Variants in CDK12 observed in about 807,000 individuals in gnomAD.
The protein encoded by CDK12 is cyclin-dependent kinase 12.
Under a neutral mutation model 133.8 loss-of-function variants are expected in CDK12, and 17 were observed. The observed-to-expected ratio is 0.13, with a 90% CI of 0.09 to 0.19. CDK12 has a LOEUF of 0.19. Among genes scored for constraint, CDK12 ranks in the 10% least tolerant of loss-of-function variants. The pLI is 1.00. For missense variants in CDK12, 1,508 were observed against 1,818.7 expected, an observed-to-expected ratio of 0.83 and a Z score of 3.11; for synonymous variants, 694 against 683.6, an observed-to-expected ratio of 1.02 and a Z score of -0.24.
intron 1 of CDK12, among the ~76,000 whole-genome samples, chr17:39,464,481 C>T (rs967175353): frequency 1.3e-5 from 2 of 151,238 alleles, no homozygotes; most frequent in Admixed American, 1.3e-4. Context: ...AGCAATCCTC[C>T]TGCCTCCCAA....
At chr17:39,496,729 C>G (rs945466779) in intron 5 of CDK12, among the ~76,000 whole-genome samples, 1 of 151,870 alleles carries the variant, frequency 6.6e-6, no homozygotes, top group Non-Finnish European at 1.5e-5. Context: ...AACATAATAA[C>G]AATGCCTTGA....
chr17:39,485,408 CTTTTTTTTT>C (rs35318849), intron 2 of CDK12, among the ~76,000 whole-genome samples: 2 of 69,836 alleles, frequency 2.9e-5, no homozygotes, highest in Admixed American at 1.8e-4. Context: ...CATCCCCCCC[CTTTTTTTTT>C]TTTTTTTTTT....
chr17:39,501,478 TCTC>T (rs2052713695), intron 6 of CDK12, 39 bp downstream of exon 6: 4 of 1,425,372 alleles, frequency 2.8e-6, no homozygotes, highest in Admixed American at 1.9e-5. Context: ...ACTTTCCTCT[TCTC>T]CTCTGACCTT....
At position 39,532,131 on chromosome 17, in the gene CDK12, TC is replaced by T. The variant is rs2054898820; in HGVS notation, c.*816del. 1.3e-5 allele frequency: 3 copies of T among 232,898 alleles called. No individual in the cohort carries two copies. Among genetic ancestry groups the T allele is most frequent in the Admixed American group, 1.1e-4 (2 of 17,734 alleles). The allele number at this position is 232,898 out of a possible 1,614,324, so 14.4% of individuals were successfully genotyped here. On this transcript the variant is annotated 3_prime_UTR_variant, in exon 14 of 14. Coordinates refer to ENST00000447079, the MANE Select transcript of CDK12 (RefSeq NM_016507.4). Reference sequence around the variant, plus strand: ...CTCTCTCTCTCTCTCTCTCTCTCTCTCTCTCTCTCTCTGTCTCGCTTGCTCG... The same window carrying T: ...CTCTCTCTCTCTCTCTCTCTCTCTCTTCTCTCTCTCTGTCTCGCTTGCTCG...
intron 2 of CDK12, among the ~76,000 whole-genome samples, chr17:39,480,179 C>T (rs369506175): frequency 3.5e-4 from 54 of 152,224 alleles, no homozygotes; most frequent in African/African-American, 1.3e-3. Context: ...TCATCTGGGC[C>T]TCCCAAAGTG....
chr17:39,556,677 T>C (rs1378360720), intron 3 of CDK12, among the ~76,000 whole-genome samples: 1 of 151,256 alleles, frequency 6.6e-6, no homozygotes, highest in African/African-American at 2.4e-5. Context: ...ACAATCCTGC[T>C]CTCTCCACAC....
chr17:39,486,404 C>T (rs768849179), intron 2 of CDK12, among the ~76,000 whole-genome samples: 9 of 151,650 alleles, frequency 5.9e-5, no homozygotes, highest in Non-Finnish European at 1.3e-4. Flanking sequence ...TAGCTGGGAC[C>T]AGAAGTGCAT....
At chr17:39,492,266 T>C (rs558713882) in intron 3 of CDK12, among the ~76,000 whole-genome samples, 1 of 149,828 alleles carries the variant, frequency 6.7e-6, no homozygotes, top group East Asian at 2.0e-4. Flanking sequence ...CCGGCTAATT[T>C]TTTGTATATT....
At chr17:39,486,245 C>G (rs1426094544) in intron 2 of CDK12, among the ~76,000 whole-genome samples, 1 of 143,102 alleles carries the variant, frequency 7.0e-6, no homozygotes, top group African/African-American at 2.6e-5. Context: ...AGCCACTGCA[C>G]CCTGCCTCTT....
intron 1 of CDK12, among the ~76,000 whole-genome samples, chr17:39,539,697 A>G (rs1487219370): frequency 6.6e-6 from 1 of 152,246 alleles, no homozygotes; most frequent in Non-Finnish European, 1.5e-5. Flanking sequence ...CTGTAAGTCA[A>G]CATATCAATG....
rs141321265 is a variant in CDK12 at position 39,462,847 on chromosome 17, A to T, written c.776A>T (p.Tyr259Phe). 3 of 1,614,130 alleles carry T rather than the reference A, an allele frequency of 1.9e-6. No individual in the cohort carries two copies. The highest frequency in any genetic ancestry group is 1.1e-5 in the South Asian group (1 of 91,066). Residue 259 changes from tyrosine to phenylalanine, a missense_variant, in exon 1 of 14, where the codon TAT (tyrosine) becomes TTT (phenylalanine). By Grantham distance (22) the Tyr-to-Phe change is conservative (BLOSUM62 3). This residue lies in a region of CDK12 where 460 missense variants were observed against 490.8 expected (regional missense o/e 0.94). Transcript: ENST00000447079. ...SPSRSHTSSN[Y>F]DSYKKSPGST... ...TCACGATCTCATACCTCGAGCAATT[A>T]TGACTCCTACAAGAAAAGTCCTGGA... is the stretch of plus-strand genomic sequence containing the variant.
At chr17:39,473,071 G>A (rs555252097) in intron 2 of CDK12, among the ~76,000 whole-genome samples, 14 of 149,962 alleles carry the variant, frequency 9.3e-5, no homozygotes, top group African/African-American at 2.9e-4. Context: ...GCGAGACTCC[G>A]TCTTAAAAAA....
intron 1 of CDK12, among the ~76,000 whole-genome samples, chr17:39,467,239 A>G (rs2049407145): frequency 6.6e-6 from 1 of 152,140 alleles, no homozygotes; most frequent in Non-Finnish European, 1.5e-5. Context: ...AGCCTCCCAA[A>G]GCGCTGGGAT....
chr17:39,531,087 T>A lies in CDK12; in HGVS notation c.4244T>A (p.Val1415Glu), dbSNP rs2054813081. The change falls in exon 14 of 14, where the codon GTG becomes GAG. Residue 1415 changes from valine (V) to glutamate (E), a missense_variant. Val to Glu is a moderately radical substitution (Grantham distance 121, BLOSUM62 -2). Around this residue, in one of 9 missense-constraint regions of CDK12, gnomAD observed 114 missense variants for 101.2 expected, o/e 1.13. Transcript: ENST00000447079. ...AGGGTCCCCTTAGCGTTACACCCGG[T>A]GGTCGGGCAACCATTCCTGAAGGCT... ...FARVPLALHP[V>E]VGQPFLKAEG... 1 of 1,597,020 alleles carries A rather than the reference T, an allele frequency of 6.3e-7. No individual in the cohort carries two copies. Among genetic ancestry groups the A allele is most frequent in the Non-Finnish European group, 8.5e-7 (1 of 1,172,952 alleles).
rs572035299 is a variant in CDK12, at chr17:39,461,509, G to C, written c.-563G>C. On this transcript the variant is annotated 5_prime_UTR_variant, in exon 1 of 14. Transcript: ENST00000447079. ...CCAAGTGCCGTTTCGGTTTAATCTA[G>C]TGTGTGACTGGGTCTGTGTGAGGGA... The C allele has an allele frequency of 8.5e-5, 20 of 236,096 alleles. No individual in the cohort carries two copies. In the South Asian group the frequency reaches 1.6e-3, roughly 19 times the overall value. The allele number at this position is 236,096 out of a possible 1,614,324, so 14.6% of individuals were successfully genotyped here. A position where few individuals can be genotyped will look rare whatever the true frequency, so the allele number is the denominator to read the frequency against.
downstream of CDK12, chr17:39,534,985 A>C (rs1010685379): frequency 6.6e-6 from 1 of 152,224 alleles, no homozygotes; most frequent in Non-Finnish European, 1.5e-5. Flanking sequence ...ATGTTATTAC[A>C]TGCAGAGTCA....
At position 39,483,631 on chromosome 17, in the gene CDK12, C is replaced by T. The variant is rs114193326; in HGVS notation, c.1932-6926C>T. Among the ~76,000 whole-genome samples, 620 of 151,938 alleles carry T rather than the reference C, an allele frequency of 4.1e-3. 4 individuals carry two copies. The highest frequency in any genetic ancestry group is 0.013 in the African/African-American group (555 of 41,442). ...AAAGGATTATATTTAAAGTAGTTTA[C>T]GCTGTTAAAATGGGCAAATTATCTC... On this transcript the variant is annotated intron_variant, in intron 2 of 13. Transcript: ENST00000447079.
At position 39,462,108 on chromosome 17, in the gene CDK12, G is replaced by A. The variant is rs1261960315; in HGVS notation, c.37G>A (p.Gly13Arg). 1 of 1,614,110 alleles carries A rather than the reference G, an allele frequency of 6.2e-7. No individual in the cohort carries two copies. Among genetic ancestry groups the A allele is most frequent in the Non-Finnish European group, 8.5e-7 (1 of 1,179,958 alleles). The change falls in exon 1 of 14, where the codon GGG becomes AGG. Residue 13 changes from glycine to arginine, a missense_variant. Physicochemically the swap from Gly to Arg is moderately radical, Grantham distance 125. Transcript: ENST00000447079. ...NSERHGGKKD[G>R]SGGASGTLQP... ...AGAGAGACATGGGGGCAAGAAGGACGGGAGTGGAGGAGCTTCTGGAACTTT... is the reference window on the plus strand; with the variant it reads ...AGAGAGACATGGGGGCAAGAAGGACAGGAGTGGAGGAGCTTCTGGAACTTT...
intron 1 of CDK12, among the ~76,000 whole-genome samples, chr17:39,541,362 C>CTTTTT (rs201866427): frequency 7.3e-6 from 1 of 137,236 alleles, no homozygotes; most frequent in African/African-American, 3.2e-5. Flanking sequence ...GAGTTTGGCT[C>CTTTTT]TTTTTTTTTT....
Sources: allele counts gnomAD v4.1 joint callset (sites outside exome capture counted in the v4.1 genomes callset), GRCh38; gene constraint gnomAD v4.1.1; regional missense constraint gnomAD v4.1.1; transcripts MANE v1.5; gene names NCBI Gene and HGNC (gene_info 2026-07-23, HGNC 2026-07-21).